The following RAD23B variants were observed in gnomAD, a reference collection of about 807,000 sequenced individuals.
The protein encoded by RAD23B is lysine-specific demethylase RAD23B.
Under a neutral mutation model 49.1 loss-of-function variants are expected in RAD23B, and 5 were observed. That is an observed-to-expected ratio of 0.10 (90% confidence interval 0.05 to 0.21). RAD23B has a LOEUF of 0.21. RAD23B is among the 10% of genes least tolerant of loss of function. RAD23B has a pLI of 1.00. For synonymous variants in RAD23B, 184 were observed against 165.4 expected, an observed-to-expected ratio of 1.11 and a Z score of -0.86; for missense variants, 356 against 486.7, an observed-to-expected ratio of 0.73 and a Z score of 2.53.
intron 1 of RAD23B, among the ~76,000 whole-genome samples, chr9:107,292,409 C>T (rs1018661936): frequency 9.2e-5 from 14 of 151,932 alleles, no homozygotes; most frequent in African/African-American, 2.9e-4. Flanking sequence ...GGCTGAGCGC[C>T]GTGGCTTATG....
intron 1 of RAD23B, among the ~76,000 whole-genome samples, chr9:107,287,842 A>C (rs1010936062): frequency 6.6e-6 from 1 of 151,644 alleles, no homozygotes; most frequent in Admixed American, 6.6e-5. Context: ...CTCAAAAAAA[A>C]AAAAAAAACA....
intron 6 of RAD23B, among the ~76,000 whole-genome samples, chr9:107,319,553 C>G (rs1827068439): frequency 6.6e-6 from 1 of 152,126 alleles, no homozygotes; most frequent in Non-Finnish European, 1.5e-5. Context: ...TCTGGTTTAA[C>G]TGGACAACTT....
At chr9:107,302,878 G>C (rs537892775) in intron 3 of RAD23B, among the ~76,000 whole-genome samples, 2 of 151,920 alleles carry the variant, frequency 1.3e-5, no homozygotes, top group Admixed American at 1.3e-4. Context: ...GGATGGTCTC[G>C]ATTTCCTGAC....
At chr9:107,296,413 G>T (rs1361732954) in intron 1 of RAD23B, among the ~76,000 whole-genome samples, 1 of 152,146 alleles carries the variant, frequency 6.6e-6, no homozygotes, top group Non-Finnish European at 1.5e-5. Flanking sequence ...TAGTCTATTG[G>T]ATTAATAACA....
intron 9 of RAD23B, 108 bp downstream of exon 9, chr9:107,325,112 C>G: frequency 9.6e-7 from 1 of 1,044,522 alleles, no homozygotes; most frequent in South Asian, 1.4e-5. Context: ...GTCAGGAGTT[C>G]AAGACCAGCC....
In RAD23B at chr9:107,324,021, A is replaced by G; in HGVS notation, c.945+4A>G. ...AGAGAATCCTCAATTACTTCAGGTG[A>G]CTAATCAGTGTCAGTTTCACAAGTG... On this transcript the variant is annotated splice_donor_region_variant and intron_variant, in intron 8 of 9. Transcript: ENST00000358015. 6.2e-7 allele frequency: 1 copy of G among 1,613,150 alleles called. No individual in the cohort carries two copies. The highest frequency in any genetic ancestry group is 8.5e-7 in the Non-Finnish European group (1 of 1,179,240).
intron 7 of RAD23B, among the ~76,000 whole-genome samples, chr9:107,323,247 T>C (rs545163933): frequency 2.9e-4 from 44 of 152,340 alleles, no homozygotes; most frequent in Admixed American, 2.3e-3. Context: ...CTGAAGAGTT[T>C]AGATATATTA....
chr9:107,322,874 A>G (rs191490661), intron 7 of RAD23B, among the ~76,000 whole-genome samples: 5 of 152,176 alleles, frequency 3.3e-5, no homozygotes, highest in African/African-American at 1.2e-4. Context: ...GGGAGTGGAA[A>G]GAGATGACCA....
intron 9 of RAD23B, among the ~76,000 whole-genome samples, chr9:107,326,305 C>A (rs887395526): frequency 1.3e-5 from 2 of 150,810 alleles, no homozygotes; most frequent in Non-Finnish European, 3.0e-5. Flanking sequence ...CGGTGAAACC[C>A]CGTCTCTACT....
At chr9:107,299,734 A>G (rs1036250993) in intron 1 of RAD23B, among the ~76,000 whole-genome samples, 3 of 152,226 alleles carry the variant, frequency 2.0e-5, no homozygotes, top group Non-Finnish European at 2.9e-5. Flanking sequence ...AACATTCACA[A>G]TTTAACCTTT....
At chr9:107,302,314 T>C (rs898411086) in intron 3 of RAD23B, among the ~76,000 whole-genome samples, 200 bp downstream of exon 3, 5 of 152,178 alleles carry the variant, frequency 3.3e-5, no homozygotes, top group Non-Finnish European at 5.9e-5. Context: ...TAAACTATAA[T>C]ATAGTTTTAA....
At chr9:107,296,224 TTGAAG>T in intron 1 of RAD23B, among the ~76,000 whole-genome samples, 1 of 152,330 alleles carries the variant, frequency 6.6e-6, no homozygotes, top group East Asian at 1.9e-4. Context: ...GTTATTTTCT[TTGAAG>T]TGATACTGTT....
chr9:107,283,396 A>C lies in RAD23B; in HGVS notation c.-234A>C. The C allele has an allele frequency of 2.3e-6, 1 of 429,236 alleles. No homozygotes were observed. The allele number at this position is 429,236 out of a possible 1,614,324, so 26.6% of individuals were successfully genotyped here. On this transcript the variant is annotated 5_prime_UTR_variant, in exon 1 of 10. Transcript: ENST00000358015. ...GCTGGCGCTCGGCGCGTGAGGAAGC[A>C]CGGCGGCCCGAGTTCGCGGGGAAGG...
chr9:107,284,863 C>T (rs781428030), intron 1 of RAD23B: 31 of 1,238,012 alleles, frequency 2.5e-5, no homozygotes, highest in Non-Finnish European at 3.1e-5. Flanking sequence ...TAGTTTCATT[C>T]TCTGTATAAT....
intron 1 of RAD23B, among the ~76,000 whole-genome samples, chr9:107,286,361 C>T (rs2133060150): frequency 6.6e-6 from 1 of 152,270 alleles, no homozygotes; most frequent in Non-Finnish European, 1.5e-5. Context: ...AGTCAAAGCT[C>T]ATTGGCTATA....
chr9:107,285,475 A>G (rs1295910112), intron 1 of RAD23B, among the ~76,000 whole-genome samples: 2 of 152,200 alleles, frequency 1.3e-5, no homozygotes, highest in African/African-American at 4.8e-5. Context: ...TATTGAAGTT[A>G]TGCAGTGACT....
Position 107,318,889 on chromosome 9 carries a change from A to G in RAD23B, c.681+10A>G, listed in dbSNP as rs1283278306. 1 of 1,605,360 alleles carries G rather than the reference A, an allele frequency of 6.2e-7. No homozygotes were observed. Among genetic ancestry groups the G allele is most frequent in the Non-Finnish European group, 8.5e-7 (1 of 1,175,590 alleles). On this transcript the variant is annotated intron_variant, in intron 6 of 9. Transcript: ENST00000358015. This position sits in a 1 kb window ranked among gnomAD's most constrained non-coding sequence, Gnocchi z 4.3. ...GGAGTATCTTTTAATGGTGAGAAAT[A>G]TGTTTTACTTTACTCCATTCTGTTG...
intron 5 of RAD23B, among the ~76,000 whole-genome samples, chr9:107,314,917 G>T (rs927917342): frequency 2.0e-5 from 3 of 152,132 alleles, no homozygotes; most frequent in Admixed American, 6.5e-5. Flanking sequence ...TTTCATGTTT[G>T]TTGGCCACTT....
Position 107,331,339 on chromosome 9 carries a change from C to T in RAD23B, c.*1683C>T, listed in dbSNP as rs751661857. The T allele has an allele frequency of 1.7e-4, 34 of 204,522 alleles. No homozygotes were observed. Among genetic ancestry groups the T allele is most frequent in the Non-Finnish European group, 3.2e-4 (33 of 101,906 alleles). The allele number at this position is 204,522 out of a possible 1,614,324, so 12.7% of individuals were successfully genotyped here. A position where few individuals can be genotyped will look rare whatever the true frequency, so the allele number is the denominator to read the frequency against. The stretch of plus-strand genomic sequence containing the variant: ...CCGTCATGGCGAAACCCCGTCTATA[C>T]TAAAAATACAAAAAATAGCCAGGCA... On this transcript the variant is annotated 3_prime_UTR_variant, in exon 10 of 10. Transcript: ENST00000358015.
Sources: allele counts gnomAD v4.1 joint callset (sites outside exome capture counted in the v4.1 genomes callset), GRCh38; gene constraint gnomAD v4.1.1; non-coding constraint Gnocchi (gnomAD v3.1); transcripts MANE v1.5; gene names NCBI Gene and HGNC (gene_info 2026-07-23, HGNC 2026-07-21).